The following WDFY3 variants were observed in gnomAD, a reference collection of about 807,000 sequenced individuals.
WDFY3 encodes the protein WD repeat and FYVE domain-containing protein 3.
WDFY3 carries 66 observed loss-of-function variants against 409.6 expected under a neutral mutation model. The ratio of observed to expected loss-of-function variants is 0.16; its 90% CI spans 0.13 to 0.20. The LOEUF (loss-of-function observed/expected upper bound fraction) is 0.20, where lower values mean the gene tolerates loss of function less well. WDFY3 is among the 10% of genes least tolerant of loss of function. The pLI is 1.00. For missense variants in WDFY3, 3,031 were observed against 4,298.1 expected (o/e 0.71, Z 8.24); for synonymous variants, 1,521 against 1,537.1 (o/e 0.99, Z 0.25).
chr4:84,762,978 G>T (rs1173062471), intron 32 of WDFY3, among the ~76,000 whole-genome samples: 1 of 151,668 alleles, frequency 6.6e-6, no homozygotes, highest in African/African-American at 2.4e-5. Context: ...AAGTGAAAAA[G>T]AAACCAAAAG....
At chr4:84,801,553 G>T in intron 17 of WDFY3, 97 bp downstream of exon 17, 1 of 1,335,082 alleles carries the variant, frequency 7.5e-7, no homozygotes, top group Non-Finnish European at 1.0e-6. Flanking sequence ...ATAGATAACT[G>T]AATATATGTC....
At chr4:84,745,052 C>A (rs1739179539) in intron 36 of WDFY3, among the ~76,000 whole-genome samples, 1 of 151,844 alleles carries the variant, frequency 6.6e-6, no homozygotes, top group African/African-American at 2.4e-5. Context: ...TGAAAATTAT[C>A]TTATGTTAAA....
chr4:84,901,917 C>G (rs980187600), intron 2 of WDFY3, among the ~76,000 whole-genome samples: 2 of 152,172 alleles, frequency 1.3e-5, no homozygotes, highest in African/African-American at 4.8e-5. Flanking sequence ...GTCCTGAATG[C>G]AATATTTCCC....
chr4:84,822,336 T>C (rs1266948289), intron 10 of WDFY3, among the ~76,000 whole-genome samples: 1 of 152,088 alleles, frequency 6.6e-6, no homozygotes, highest in South Asian at 2.1e-4. Flanking sequence ...ATTAACATAG[T>C]GTCTGACAGA....
rs966082710 is a variant in WDFY3 at position 84,671,308 on chromosome 4, A to G, written c.*1560T>C. On this transcript the variant is annotated 3_prime_UTR_variant, in exon 68 of 68. Coordinates refer to ENST00000295888, the MANE Select transcript of WDFY3 (RefSeq NM_014991.6). ...AAAAGCCAAAGCCGCTGTCCTTTGCATGATGCCTCTGTGAGGGTGTGAAGG... is the reference window on the plus strand; with the variant it reads ...AAAAGCCAAAGCCGCTGTCCTTTGCGTGATGCCTCTGTGAGGGTGTGAAGG... The G allele has an allele frequency of 6.6e-6, 1 of 152,576 alleles. No homozygotes were observed. 9.5% of individuals were successfully genotyped at this position (152,576 alleles called of 1,614,324 possible). A position where few individuals can be genotyped will look rare whatever the true frequency, so the allele number is the denominator to read the frequency against.
intron 2 of WDFY3, among the ~76,000 whole-genome samples, chr4:84,907,723 T>C (rs974978240): frequency 6.7e-6 from 1 of 149,594 alleles, no homozygotes; most frequent in Non-Finnish European, 1.5e-5. Flanking sequence ...GCAATAATCA[T>C]TGATCTGTGC....
At position 84,672,815 on chromosome 4, in the gene WDFY3, GAGAATCGGGA is replaced by G; in HGVS notation, c.*43_*52del. The stretch of plus-strand genomic sequence containing the variant: ...TTCAATGCCTTCCAAGCTGGGACAG[GAGAATCGGGA>G]AGGGGTCTACAGACCATGGTCTCCA... On this transcript the variant is annotated 3_prime_UTR_variant, in exon 68 of 68. Coordinates refer to ENST00000295888, the MANE Select transcript of WDFY3 (RefSeq NM_014991.6). 1 of 1,602,900 alleles carries G rather than the reference GAGAATCGGGA, an allele frequency of 6.2e-7. No homozygotes were observed. The highest frequency in any genetic ancestry group is 2.2e-5 in the East Asian group (1 of 44,750).
chr4:84,772,880 T>C lies in WDFY3; in HGVS notation c.4804A>G (p.Lys1602Glu). 6.2e-7 allele frequency: 1 copy of C among 1,611,254 alleles called. No homozygotes were observed. The highest frequency in any genetic ancestry group is 8.5e-7 in the Non-Finnish European group (1 of 1,178,942). ...TTATTTATTTCCATTACTACAAATT[T>C]CTCACAAACCGCAAAGGTTGGCAAA... ...STLPTFAVCEKFVVMEINNEE... is the reference protein window; with the variant it reads ...STLPTFAVCEEFVVMEINNEE... Residue 1602 changes from lysine (K) to glutamate (E), a missense_variant, in exon 30 of 68, where the codon AAA becomes GAA. Physicochemically the swap from Lys to Glu is moderately conservative, Grantham distance 56 (BLOSUM62 1). Coordinates refer to ENST00000295888, the MANE Select transcript of WDFY3 (RefSeq NM_014991.6).
At chr4:84,957,542 G>A (rs1052196651) in intron 1 of WDFY3, among the ~76,000 whole-genome samples, 1 of 152,106 alleles carries the variant, frequency 6.6e-6, no homozygotes, top group Non-Finnish European at 1.5e-5. Context: ...AAGGTAATGG[G>A]GTCAGACAGG....
At chr4:84,782,655 G>T (rs1022851739) in intron 25 of WDFY3, among the ~76,000 whole-genome samples, 1 of 152,166 alleles carries the variant, frequency 6.6e-6, no homozygotes, top group African/African-American at 2.4e-5. Flanking sequence ...TTCTGTTCTT[G>T]TGTTAGTTTG....
At chr4:84,682,565 G>GATA in intron 63 of WDFY3, 95 bp from the exon 64 acceptor site, 10 of 994,034 alleles carry the variant, frequency 1.0e-5, no homozygotes, top group Non-Finnish European at 1.5e-5. Flanking sequence ...AGGGTTAACA[G>GATA]ATAACTTAAT....
intron 26 of WDFY3, 39 bp downstream of exon 26, chr4:84,780,053 AGCAGAGTATTTTAGGT>A: frequency 1.4e-6 from 2 of 1,466,030 alleles, no homozygotes; most frequent in South Asian, 3.1e-5. Context: ...ATAATAAAAA[AGCAGAGTATTTTAGGT>A]GCCAGGTGAA....
intron 38 of WDFY3, among the ~76,000 whole-genome samples, chr4:84,741,422 C>T (rs1002075385): frequency 6.6e-6 from 1 of 151,214 alleles, no homozygotes; most frequent in African/African-American, 2.4e-5. Context: ...TCAAATGATT[C>T]TCCTGCCTCC....
chr4:84,805,567 CAAG>C (rs1751376474), intron 15 of WDFY3, among the ~76,000 whole-genome samples: 2 of 152,108 alleles, frequency 1.3e-5, no homozygotes, highest in African/African-American at 4.8e-5. Flanking sequence ...AATTCCCAAG[CAAG>C]AACTAACCAT....
intron 15 of WDFY3, 109 bp downstream of exon 15, chr4:84,808,225 C>CA (rs997337383): frequency 4.0e-3 from 3,633 of 910,030 alleles, no homozygotes; most frequent in Non-Finnish European, 4.5e-3. Context: ...CAAAACAAAA[C>CA]AAAAAAAAAC....
intron 51 of WDFY3, 96 bp from the exon 52 acceptor site, chr4:84,709,443 T>A (rs552442967): frequency 9.6e-7 from 1 of 1,037,472 alleles, no homozygotes; most frequent in East Asian, 2.6e-5. Flanking sequence ...GGTCCAGGAA[T>A]TTTTCAAACT....
At chr4:84,791,194 C>T (rs1748457654) in intron 21 of WDFY3, among the ~76,000 whole-genome samples, 1 of 152,122 alleles carries the variant, frequency 6.6e-6, no homozygotes, top group Non-Finnish European at 1.5e-5. Context: ...AAATGTGGTA[C>T]ATATATACAA....
rs1340255934 is a variant in WDFY3, at chr4:84,672,068, T to C, written c.*800A>G. 6.6e-6 allele frequency: 1 copy of C among 152,248 alleles called. No homozygotes were observed. Among genetic ancestry groups the C allele is most frequent in the Non-Finnish European group, 1.5e-5 (1 of 68,038 alleles). The allele number at this position is 152,248 out of a possible 1,614,324, so 9.4% of individuals were successfully genotyped here. A position where few individuals can be genotyped will look rare whatever the true frequency, so the allele number is the denominator to read the frequency against. Reference sequence around the variant, plus strand: ...AAGTTTAAAAGGGGCCCTGTTTATGTAGGAACAACACTGAGGTGGTGCGTA... The same window carrying C: ...AAGTTTAAAAGGGGCCCTGTTTATGCAGGAACAACACTGAGGTGGTGCGTA... On this transcript the variant is annotated 3_prime_UTR_variant, in exon 68 of 68. Coordinates refer to ENST00000295888, the MANE Select transcript of WDFY3 (RefSeq NM_014991.6).
intron 24 of WDFY3, among the ~76,000 whole-genome samples, chr4:84,783,899 A>ACACACACACAC (rs57708770): frequency 6.6e-6 from 1 of 151,392 alleles, no homozygotes. Flanking sequence ...ACACACACAC[A>ACACACACACAC]AAAGCTCTGC....
Sources: allele counts gnomAD v4.1 joint callset (sites outside exome capture counted in the v4.1 genomes callset), GRCh38; gene constraint gnomAD v4.1.1; transcripts MANE v1.5; gene names NCBI Gene and HGNC (gene_info 2026-07-23, HGNC 2026-07-21).